The following CNTN5 variants were observed in gnomAD, a reference collection of about 807,000 sequenced individuals.
CNTN5 encodes the protein contactin 5, also known as contactin-5.
A neutral mutation model predicts 129.1 loss-of-function variants in CNTN5; 77 were observed. The observed-to-expected ratio is 0.60, with a 90% CI of 0.50 to 0.72. CNTN5 has a LOEUF of 0.72. Among genes scored for constraint, CNTN5 ranks in the 30% least tolerant of loss-of-function variants. CNTN5 has a pLI of 0.00. For missense variants in CNTN5, 1,478 were observed against 1,328.8 expected (o/e 1.11, Z -1.75); for synonymous variants, 509 against 465.6 (o/e 1.09, Z -1.20).
chr11:99,448,324 A>T (rs2135179245), intron 2 of CNTN5, among the ~76,000 whole-genome samples: 1 of 152,314 alleles, frequency 6.6e-6, no homozygotes, highest in African/African-American at 2.4e-5. Flanking sequence ...GACTACATTA[A>T]TAAGTTTACT....
intron 3 of CNTN5, among the ~76,000 whole-genome samples, chr11:99,689,711 G>A (rs1316644731): frequency 6.6e-6 from 1 of 151,418 alleles, no homozygotes; most frequent in Non-Finnish European, 1.5e-5. Context: ...TATATTTCCT[G>A]GCCACATGTA....
chr11:100,348,763 T>G (rs1035444037), intron 23 of CNTN5, among the ~76,000 whole-genome samples: 23 of 152,164 alleles, frequency 1.5e-4, no homozygotes, highest in African/African-American at 5.3e-4. Context: ...GCTTAAGGCA[T>G]CCTCCAGGAA....
At chr11:99,550,368 AT>A (rs1013053204) in intron 2 of CNTN5, among the ~76,000 whole-genome samples, 8 of 152,034 alleles carry the variant, frequency 5.3e-5, no homozygotes, top group African/African-American at 1.4e-4. Context: ...TTTGTTATCT[AT>A]TTTTTTTCCC....
intron 3 of CNTN5, among the ~76,000 whole-genome samples, chr11:99,616,164 C>T (rs1047250075): frequency 1.3e-5 from 2 of 152,134 alleles, no homozygotes; most frequent in African/African-American, 4.8e-5. Flanking sequence ...ATTCTATCAC[C>T]TCAAGAATCA....
intron 9 of CNTN5, among the ~76,000 whole-genome samples, chr11:100,021,382 GT>G (rs1349847654): frequency 6.6e-6 from 1 of 152,034 alleles, no homozygotes; most frequent in Non-Finnish European, 1.5e-5. Context: ...TTTCTGTCTA[GT>G]TCTTCTGTAA....
chr11:100,219,160 A>G (rs1193791497), intron 15 of CNTN5, among the ~76,000 whole-genome samples: 2 of 152,190 alleles, frequency 1.3e-5, no homozygotes, highest in African/African-American at 2.4e-5. Context: ...AGATGTAGGT[A>G]TGAGGAAAGC....
intron 9 of CNTN5, among the ~76,000 whole-genome samples, chr11:100,031,179 C>A (rs1168324962): frequency 6.6e-6 from 1 of 152,144 alleles, no homozygotes; most frequent in Non-Finnish European, 1.5e-5. Context: ...ATAGGGTCAA[C>A]CATGAGCACA....
chr11:99,941,571 A>AACACACACACACACACAC (rs71305315), intron 7 of CNTN5, among the ~76,000 whole-genome samples: 85 of 148,362 alleles, frequency 5.7e-4, no homozygotes, highest in Admixed American at 1.4e-3. Context: ...ACATAAGACA[A>AACACACACACACACACAC]ACACACACAC....
intron 2 of CNTN5, among the ~76,000 whole-genome samples, chr11:99,423,533 C>T (rs755641868): frequency 8.5e-5 from 13 of 152,132 alleles, no homozygotes; most frequent in Non-Finnish European, 1.6e-4. Context: ...AACTTACTAA[C>T]AAAATGGGAA....
rs140864666 is a variant in CNTN5 at position 99,757,201 on chromosome 11, A to G, written c.56-62343A>G. ...ATGGTGTGTTTTCACTTGAAGATGC[A>G]TCACTCCAATATCTTCCTTCATTTT... On this transcript the variant is annotated intron_variant, in intron 3 of 24. Coordinates refer to ENST00000524871, the MANE Select transcript of CNTN5 (RefSeq NM_014361.4). Among the ~76,000 whole-genome samples, 175 of 152,122 alleles carry G rather than the reference A, an allele frequency of 1.2e-3. 1 individual carries two copies. Among genetic ancestry groups the G allele is most frequent in the African/African-American group, 3.9e-3 (161 of 41,550 alleles).
intron 2 of CNTN5, among the ~76,000 whole-genome samples, chr11:99,446,368 G>A (rs993566922): frequency 6.6e-6 from 1 of 152,040 alleles, no homozygotes; most frequent in Non-Finnish European, 1.5e-5. Context: ...CTTTTCTTCT[G>A]GGTCTGGACA....
At chr11:99,785,452 G>A (rs1046730065) in intron 3 of CNTN5, among the ~76,000 whole-genome samples, 1 of 152,170 alleles carries the variant, frequency 6.6e-6, no homozygotes, top group Non-Finnish European at 1.5e-5. Context: ...TGCTTTTGGT[G>A]TTTTAGGTAT....
chr11:99,823,942 C>A (rs1000473766), intron 4 of CNTN5, among the ~76,000 whole-genome samples: 10 of 151,988 alleles, frequency 6.6e-5, no homozygotes, highest in African/African-American at 2.4e-4. Flanking sequence ...CATGATCCAC[C>A]TTTTCTGGAT....
At chr11:99,412,039 G>A (rs1270886906) in intron 2 of CNTN5, among the ~76,000 whole-genome samples, 1 of 152,028 alleles carries the variant, frequency 6.6e-6, no homozygotes, top group African/African-American at 2.4e-5. Flanking sequence ...ATAAAGAAAT[G>A]GGGAAATGAA....
intron 3 of CNTN5, among the ~76,000 whole-genome samples, chr11:99,589,186 TA>T (rs1949900343): frequency 6.6e-6 from 1 of 152,106 alleles, no homozygotes. Context: ...TCTTCTTTAG[TA>T]GTGGTAAATG....
intron 6 of CNTN5, among the ~76,000 whole-genome samples, chr11:99,861,923 T>C (rs1274049980): frequency 6.6e-6 from 1 of 152,206 alleles, no homozygotes; most frequent in Non-Finnish European, 1.5e-5. Flanking sequence ...GTAATAAGTA[T>C]TTTTCTAATT....
chr11:99,460,051 G>A (rs1944636276), intron 2 of CNTN5, among the ~76,000 whole-genome samples: 1 of 151,876 alleles, frequency 6.6e-6, no homozygotes, highest in Non-Finnish European at 1.5e-5. Context: ...GGTCAACATA[G>A]AAATATGCAT....
chr11:99,618,888 GA>G (rs1950841913), intron 3 of CNTN5, among the ~76,000 whole-genome samples: 1 of 151,962 alleles, frequency 6.6e-6, no homozygotes, highest in East Asian at 1.9e-4. Flanking sequence ...AAAATTTAAA[GA>G]GAATATCTAG....
intron 6 of CNTN5, among the ~76,000 whole-genome samples, chr11:99,910,631 T>G (rs1949633799): frequency 6.6e-6 from 1 of 152,078 alleles, no homozygotes; most frequent in South Asian, 2.1e-4. Flanking sequence ...CCAACTCTAT[T>G]AAATATATGA....
Sources: gnomAD v4.1 joint callset for allele counts (sites outside exome capture counted in the v4.1 genomes callset) on GRCh38, gnomAD v4.1.1 for gene constraint, MANE v1.5 for transcripts, NCBI Gene and HGNC (gene_info 2026-07-23, HGNC 2026-07-21) for gene names.